Variants in WNT3 observed in about 807,000 individuals in gnomAD.
WNT3 encodes the protein proto-oncogene Wnt-3.
In WNT3, 7 loss-of-function variants were observed where a neutral mutation model predicts 34.2. The ratio of observed to expected loss-of-function variants is 0.20; its 90% confidence interval spans 0.12 to 0.38. WNT3 has a LOEUF of 0.38. Ranked by LOEUF, WNT3 falls within the 10% of genes least tolerant of loss-of-function variation. The pLI, the probability that WNT3 is intolerant of heterozygous loss-of-function variation, is 1.00. For synonymous variants in WNT3, 212 were observed against 211.5 expected, an observed-to-expected ratio of 1.00 and a Z score of -0.02; for missense variants, 267 against 499.8, an observed-to-expected ratio of 0.53 and a Z score of 4.44.
intron 4 of WNT3, among the ~76,000 whole-genome samples, chr17:46,767,028 A>T (rs2059319673): frequency 6.6e-6 from 1 of 152,138 alleles, no homozygotes; most frequent in South Asian, 2.1e-4. Context: ...GCAGGGCCTA[A>T]TTCCAACACC....
chr17:46,771,871 C>T (rs931192053), intron 2 of WNT3, among the ~76,000 whole-genome samples: 2 of 144,838 alleles, frequency 1.4e-5, no homozygotes, highest in African/African-American at 2.5e-5. Flanking sequence ...GCCCAGGCCC[C>T]TCCGGCGCCC....
rs145477338 is a variant in WNT3, at chr17:46,799,127, T to C, written c.80+19391A>G. On this transcript the variant is annotated intron_variant, in intron 1 of 4. Coordinates refer to ENST00000225512, the MANE Select transcript of WNT3 (RefSeq NM_030753.5). ...CCTTCCTGAGAACTGGAGGCCTTTGTGAGTACTCTGGCTGAACAGGATACC... is the reference window on the plus strand; with the variant it reads ...CCTTCCTGAGAACTGGAGGCCTTTGCGAGTACTCTGGCTGAACAGGATACC... Among the ~76,000 whole-genome samples, 437 of 151,996 alleles carry C rather than the reference T, an allele frequency of 2.9e-3. 5 individuals carry two copies. Among genetic ancestry groups the C allele is most frequent in the African/African-American group, 0.01 (422 of 41,446 alleles).
chr17:46,795,530 G>A (rs1325396321), intron 1 of WNT3, among the ~76,000 whole-genome samples: 2 of 152,230 alleles, frequency 1.3e-5, no homozygotes, highest in African/African-American at 4.8e-5. Flanking sequence ...CCAAAGCTGC[G>A]AGCCCTCAGG....
chr17:46,769,632 TG>T, intron 3 of WNT3, 150 bp downstream of exon 3: 1 of 960,150 alleles, frequency 1.0e-6, no homozygotes. Context: ...GAAGTGGCTG[TG>T]GGGTGGGGAG....
At chr17:46,800,735 CTA>C (rs1248561747) in intron 1 of WNT3, among the ~76,000 whole-genome samples, 1 of 152,122 alleles carries the variant, frequency 6.6e-6, no homozygotes, top group African/African-American at 2.4e-5. Context: ...GTGCCCTGTG[CTA>C]TGTTTGGTGG....
At chr17:46,793,546 C>T (rs945287910) in intron 1 of WNT3, among the ~76,000 whole-genome samples, 9 of 152,152 alleles carry the variant, frequency 5.9e-5, no homozygotes, top group Admixed American at 2.6e-4. Context: ...ACGCCCAAGG[C>T]ATTGCAGGAG....
chr17:46,802,352 G>A (rs559026647), intron 1 of WNT3, among the ~76,000 whole-genome samples: 2 of 152,110 alleles, frequency 1.3e-5, no homozygotes, highest in Admixed American at 6.5e-5. Flanking sequence ...TGCAACCTCC[G>A]CCTCCTGGGT....
chr17:46,780,389 A>T (rs1280073210), intron 1 of WNT3, among the ~76,000 whole-genome samples: 1 of 152,188 alleles, frequency 6.6e-6, no homozygotes, highest in African/African-American at 2.4e-5. Flanking sequence ...CCTCTCCCCT[A>T]CATACAGAAC....
intron 2 of WNT3, among the ~76,000 whole-genome samples, 173 bp from the exon 3 acceptor site, chr17:46,770,221 C>T (rs923910543): frequency 1.3e-5 from 2 of 152,204 alleles, no homozygotes; most frequent in South Asian, 2.1e-4. Flanking sequence ...TGGTTTAGAC[C>T]CAGTTGGGTA....
At chr17:46,809,515 C>G (rs932766981) in intron 1 of WNT3, among the ~76,000 whole-genome samples, 1 of 152,186 alleles carries the variant, frequency 6.6e-6, no homozygotes, top group Non-Finnish European at 1.5e-5. Flanking sequence ...TTTTTCCAGC[C>G]GAGCTGGAGG....
chr17:46,778,030 G>A (rs762054263), intron 1 of WNT3, among the ~76,000 whole-genome samples: 10 of 152,126 alleles, frequency 6.6e-5, no homozygotes, highest in Non-Finnish European at 1.3e-4. Flanking sequence ...TTTCTTTATC[G>A]GTAAAATAGA....
chr17:46,800,938 G>C (rs1003641205), intron 1 of WNT3, among the ~76,000 whole-genome samples: 2 of 152,162 alleles, frequency 1.3e-5, no homozygotes, highest in East Asian at 1.9e-4. Context: ...GAGAAGGCAG[G>C]GGGTAGCACA....
In WNT3 at chr17:46,768,284, GC is replaced by G; in HGVS notation, c.*8+27del. 1 of 1,612,310 alleles carries G rather than the reference GC, an allele frequency of 6.2e-7. No individual in the cohort carries two copies. On this transcript the variant is annotated intron_variant, in intron 4 of 4. Transcript: ENST00000225512. The surrounding 1 kb of genome is among the most constrained non-coding windows in gnomAD (Gnocchi z 5.0). ...CCCATTCCCTGCGCCCAGGCTCCCA[GC>G]CTCCCCCCTGCTTCCCGGAGCCCTA... is the stretch of plus-strand genomic sequence containing the variant.
intron 1 of WNT3, among the ~76,000 whole-genome samples, chr17:46,815,922 C>T (rs1164731301): frequency 1.3e-5 from 2 of 152,172 alleles, no homozygotes; most frequent in Admixed American, 6.5e-5. Flanking sequence ...CACAGCCACA[C>T]AGCCCTGGGC....
At chr17:46,765,207 C>T (rs1476620781) in intron 4 of WNT3, among the ~76,000 whole-genome samples, 4 of 152,252 alleles carry the variant, frequency 2.6e-5, no homozygotes, top group African/African-American at 9.6e-5. Flanking sequence ...GATAAGACTA[C>T]TTTACAGAGG....
Position 46,768,121 on chromosome 17 carries a change from C to T in WNT3, c.*8+191G>A, listed in dbSNP as rs917765151. Among the ~76,000 whole-genome samples the T allele has an allele frequency of 8.5e-5, 13 of 152,184 alleles. No individual in the cohort carries two copies. The highest frequency in any genetic ancestry group is 7.2e-4 in the Admixed American group (11 of 15,274). ...GTTTTTATCTGTGCTTTGTGCAATC[C>T]ACCAAGTCTCTGCCCAAGGACCATT... On this transcript the variant is annotated intron_variant, in intron 4 of 4. Coordinates refer to ENST00000225512, the MANE Select transcript of WNT3 (RefSeq NM_030753.5). The surrounding 1 kb of genome is among the most constrained non-coding windows in gnomAD (Gnocchi z 5.0).
At chr17:46,791,450 G>A (rs896862589) in intron 1 of WNT3, among the ~76,000 whole-genome samples, 47 of 151,988 alleles carry the variant, frequency 3.1e-4, no homozygotes, top group Non-Finnish European at 5.4e-4. Context: ...CAAGTGATCC[G>A]CCCGCCTCAG....
intron 1 of WNT3, among the ~76,000 whole-genome samples, chr17:46,784,978 T>A (rs555178641): frequency 6.6e-6 from 1 of 152,018 alleles, no homozygotes; most frequent in East Asian, 1.9e-4. Flanking sequence ...GGGGTTTCAC[T>A]GTGTTAGCCA....
chr17:46,808,701 CTTAAAA>C (rs1458041886), intron 1 of WNT3, among the ~76,000 whole-genome samples: 1 of 152,158 alleles, frequency 6.6e-6, no homozygotes, highest in Non-Finnish European at 1.5e-5. Context: ...CAATTGCAAT[CTTAAAA>C]TTAATGACTT....
Sources: gnomAD v4.1 joint callset for allele counts (sites outside exome capture counted in the v4.1 genomes callset) on GRCh38, gnomAD v4.1.1 for gene constraint, Gnocchi (gnomAD v3.1) non-coding constraint, MANE v1.5 for transcripts, NCBI Gene and HGNC (gene_info 2026-07-23, HGNC 2026-07-21) for gene names.